Variants in ZSCAN20 observed in about 807,000 individuals in gnomAD.
ZSCAN20 encodes zinc finger and SCAN domain-containing protein 20.
A neutral mutation model predicts 97.1 loss-of-function variants in ZSCAN20; 39 were observed. That is an observed-to-expected ratio of 0.40 (90% CI 0.31 to 0.52). The LOEUF is 0.52. Among genes scored for constraint, ZSCAN20 ranks in the 20% least tolerant of loss-of-function variants. The pLI, the probability that ZSCAN20 is intolerant of heterozygous loss-of-function variation, is 0.49. For synonymous variants in ZSCAN20, 456 were observed against 467.3 expected, an observed-to-expected ratio of 0.98 and a Z score of 0.31; for missense variants, 1,115 against 1,290.4, an observed-to-expected ratio of 0.86 and a Z score of 2.08.
At chr1:33,490,983 C>A in intron 5 of ZSCAN20, 42 bp from the exon 6 acceptor site, 1 of 1,527,780 alleles carries the variant, frequency 6.5e-7, no homozygotes, top group South Asian at 1.3e-5. Flanking sequence ...ACATGCCGCT[C>A]AACAGACCAT....
Position 33,495,479 on chromosome 1 carries a change from G to C in ZSCAN20, c.*3G>C. On this transcript the variant is annotated 3_prime_UTR_variant, in exon 8 of 8. Coordinates refer to ENST00000684572, the MANE Select transcript of ZSCAN20 (RefSeq NM_001377376.1). ...ATGCAGGAGGGAAGGCGTCGTAGGG[G>C]ACAGTTTCCTCAACAACAAAGGAGG... is the stretch of plus-strand genomic sequence containing the variant. 6.6e-7 allele frequency: 1 copy of C among 1,505,156 alleles called. No individual in the cohort carries two copies. The highest frequency in any genetic ancestry group is 1.8e-4 in the Middle Eastern group (1 of 5,592). The allele number at this position is 1,505,156 out of a possible 1,614,324, so 93.2% of individuals were successfully genotyped here. A position where few individuals can be genotyped will look rare whatever the true frequency, so the allele number is the denominator to read the frequency against.
In ZSCAN20 at chr1:33,476,195, C is replaced by T. The variant is rs138335438; in HGVS notation, c.-110-2984C>T. Among the ~76,000 whole-genome samples the T allele has an allele frequency of 3.0e-3, 451 of 152,276 alleles. 3 individuals carry two copies. The highest frequency in any genetic ancestry group is 0.01 in the African/African-American group (430 of 41,542). On this transcript the variant is annotated intron_variant, in intron 1 of 7. Coordinates refer to ENST00000684572, the MANE Select transcript of ZSCAN20 (RefSeq NM_001377376.1). ...GTCATCTCGGAACTGAGGAATGCCC[C>T]GGTCCATTTTCCCTTGTTCACTTCT...
chr1:33,500,397 GTCCCAGT>G lies in ZSCAN20; in HGVS notation c.*4924_*4930del, dbSNP rs3043313. The stretch of plus-strand genomic sequence containing the variant: ...GAGGAAGAGACAGAGAGTTTGAGAG[GTCCCAGT>G]TCTTTTCAGTGTGTGTTTGGTTCCC... On this transcript the variant is annotated 3_prime_UTR_variant, in exon 8 of 8. Coordinates refer to ENST00000684572, the MANE Select transcript of ZSCAN20 (RefSeq NM_001377376.1). 0.62 allele frequency among the ~76,000 whole-genome samples: 93,405 copies of G among 151,046 alleles called. 29,978 individuals carry two copies. The highest frequency in any genetic ancestry group is 0.78 in the African/African-American group (32,134 of 41,196).
At chr1:33,489,431 A>G (rs1179224498) in intron 4 of ZSCAN20, 87 bp from the exon 5 acceptor site, 4 of 1,361,978 alleles carry the variant, frequency 2.9e-6, no homozygotes, top group Non-Finnish European at 3.1e-6. Flanking sequence ...CTCTGTTCCC[A>G]TCATCTTTCC....
rs750132262 is a variant in ZSCAN20, at chr1:33,494,902, C to T, written c.2558C>T (p.Pro853Leu). 6 of 1,614,174 alleles carry T rather than the reference C, an allele frequency of 3.7e-6. No homozygotes were observed. In the South Asian group the frequency reaches 4.4e-5, roughly 12 times the overall value. ...ACAGAAGAGACAGCTCCTGAACAAC[C>T]TCAAAGTATCAGTAAGGACTTGAAT... ...NSTEETAPEQ[P>L]QSISKDLNSP... The change falls in exon 8 of 8, where the codon CCT becomes CTT. Residue 853 changes from proline (P) to leucine (L), a missense_variant. This residue lies in a region of ZSCAN20 where 554 missense variants were observed against 584.9 expected (regional missense o/e 0.95). Coordinates refer to ENST00000684572, the MANE Select transcript of ZSCAN20 (RefSeq NM_001377376.1).
chr1:33,481,122 A>G (rs1328475512), intron 2 of ZSCAN20, among the ~76,000 whole-genome samples: 1 of 152,182 alleles, frequency 6.6e-6, no homozygotes, highest in Non-Finnish European at 1.5e-5. Context: ...AGATACAGGG[A>G]GACTAATATA....
At chr1:33,483,444 T>C (rs1038287594) in intron 2 of ZSCAN20, among the ~76,000 whole-genome samples, 9 of 152,164 alleles carry the variant, frequency 5.9e-5, no homozygotes, top group African/African-American at 2.2e-4. Context: ...TTGATTACTA[T>C]AGTTTATAGT....
At chr1:33,475,280 T>G (rs376655701) in intron 1 of ZSCAN20, among the ~76,000 whole-genome samples, 1 of 152,366 alleles carries the variant, frequency 6.6e-6, no homozygotes, top group South Asian at 2.1e-4. Context: ...CTTTAGGTAA[T>G]TGAGGATATA....
At position 33,497,065 on chromosome 1, in the gene ZSCAN20, G is replaced by T. The variant is rs2148484218; in HGVS notation, c.*1589G>T. Among the ~76,000 whole-genome samples the T allele has an allele frequency of 1.3e-5, 2 of 152,276 alleles. No individual in the cohort carries two copies. Among genetic ancestry groups the T allele is most frequent in the Middle Eastern group, 6.8e-3 (2 of 294 alleles). On this transcript the variant is annotated 3_prime_UTR_variant, in exon 8 of 8. Transcript: ENST00000684572. ...ACTAGGATGTATTCATAACCTGCTT[G>T]GTTCATGGGCTGGGGAAGTACCTAT...
Position 33,491,669 on chromosome 1 carries a change from G to T in ZSCAN20, c.1411G>T (p.Ala471Ser). 6.2e-7 allele frequency: 1 copy of T among 1,609,740 alleles called. No individual in the cohort carries two copies. Among genetic ancestry groups the T allele is most frequent in the South Asian group, 1.1e-5 (1 of 90,480 alleles). The change falls in exon 6 of 8, where the codon GCA becomes TCA. Residue 471 changes from alanine (A) to serine (S), a missense_variant. Around this residue, in one of 3 missense-constraint regions of ZSCAN20, gnomAD observed 508 missense variants for 611.2 expected, o/e 0.83. Coordinates refer to ENST00000684572, the MANE Select transcript of ZSCAN20 (RefSeq NM_001377376.1). The surrounding 1 kb of genome is among the most constrained non-coding windows in gnomAD (Gnocchi z 4.3). ...NVESTQGPRI[A>S]GAPALFQSRI... Reference sequence around the variant, plus strand: ...TGAGTCTACCCAGGGGCCCAGGATTGCAGGGGCCCCAGCTCTGTTCCAGAG... The same window carrying T: ...TGAGTCTACCCAGGGGCCCAGGATTTCAGGGGCCCCAGCTCTGTTCCAGAG...
chr1:33,494,234 T>C lies in ZSCAN20; in HGVS notation c.1890T>C (p.His630=). ...KAPDMGFEMR[H]EDEDQISEQD... is the part of the protein sequence containing the mutation. ...TTTTTTCAGGTTTTGAAATGAGGCA[T>C]GAGGATGAAGACCAGATTTCAGAGC... The change falls in exon 8 of 8, where the codon CAT becomes CAC. Residue 630 remains histidine, a synonymous_variant. Coordinates refer to ENST00000684572, the MANE Select transcript of ZSCAN20 (RefSeq NM_001377376.1). 1 of 1,574,286 alleles carries C rather than the reference T, an allele frequency of 6.4e-7. No individual in the cohort carries two copies. Among genetic ancestry groups the C allele is most frequent in the Non-Finnish European group, 8.6e-7 (1 of 1,161,552 alleles).
rs1415426638 is a variant in ZSCAN20 at position 33,497,033 on chromosome 1, T to C, written c.*1557T>C. Reference sequence around the variant, plus strand: ...GGAAAATCCCCCTCCTGCCATCCTCTTATGACACTAGGATGTATTCATAAC... The same window carrying C: ...GGAAAATCCCCCTCCTGCCATCCTCCTATGACACTAGGATGTATTCATAAC... On this transcript the variant is annotated 3_prime_UTR_variant, in exon 8 of 8. Transcript: ENST00000684572. 6.6e-6 allele frequency among the ~76,000 whole-genome samples: 1 copy of C among 152,216 alleles called. No homozygotes were observed. Among genetic ancestry groups the C allele is most frequent in the African/African-American group, 2.4e-5 (1 of 41,450 alleles).
rs1652801749 is a variant in ZSCAN20 at position 33,495,060 on chromosome 1, G to A, written c.2716G>A (p.Ala906Thr). 6.2e-7 allele frequency: 1 copy of A among 1,612,118 alleles called. No homozygotes were observed. Among genetic ancestry groups the A allele is most frequent in the African/African-American group, 1.3e-5 (1 of 74,872 alleles). Residue 906 changes from alanine to threonine, a missense_variant, in exon 8 of 8, where the codon GCC becomes ACC. Physicochemically the swap from Ala to Thr is moderately conservative, Grantham distance 58 (BLOSUM62 0). Coordinates refer to ENST00000684572, the MANE Select transcript of ZSCAN20 (RefSeq NM_001377376.1). ...TACGGGAGAGAAACCATATGAATGT[G>A]CCGAATGTGGGAAAAGCTTCAGTAA... Reference protein sequence around the residue: ...IHTGEKPYECAECGKSFSKSS... With the variant: ...IHTGEKPYECTECGKSFSKSS...
chr1:33,497,739 G>T lies in ZSCAN20; in HGVS notation c.*2263G>T, dbSNP rs911774528. On this transcript the variant is annotated 3_prime_UTR_variant, in exon 8 of 8. Transcript: ENST00000684572. ...GAGGAGGAGGGAATGAATGGGAAAG[G>T]TCTCAGAGGCAGAGGGGAGGACATC... is the stretch of plus-strand genomic sequence containing the variant. Among the ~76,000 whole-genome samples the T allele has an allele frequency of 1.3e-5, 2 of 152,298 alleles. No individual in the cohort carries two copies. Among genetic ancestry groups the T allele is most frequent in the South Asian group, 2.1e-4 (1 of 4,828 alleles).
chr1:33,499,025 G>A lies in ZSCAN20; in HGVS notation c.*3549G>A, dbSNP rs890890632. On this transcript the variant is annotated 3_prime_UTR_variant, in exon 8 of 8. Transcript: ENST00000684572. ...CCACTGTAGCCTCCTCCCAGAAGCC[G>A]AGTAAAGCAGCTAGGGTCCCTCCAT... Among the ~76,000 whole-genome samples, 2 of 152,204 alleles carry A rather than the reference G, an allele frequency of 1.3e-5. No individual in the cohort carries two copies. Among genetic ancestry groups the A allele is most frequent in the African/African-American group, 4.8e-5 (2 of 41,452 alleles).
chr1:33,496,441 G>A lies in ZSCAN20; in HGVS notation c.*965G>A, dbSNP rs1652865380. On this transcript the variant is annotated 3_prime_UTR_variant, in exon 8 of 8. Transcript: ENST00000684572. Reference sequence around the variant, plus strand: ...AGGATGAGCTATTATCAAAATACTTGATGTGAGTTTCCATCTTCGCAATAA... The same window carrying A: ...AGGATGAGCTATTATCAAAATACTTAATGTGAGTTTCCATCTTCGCAATAA... 6.6e-6 allele frequency: 1 copy of A among 152,168 alleles called. No individual in the cohort carries two copies. The highest frequency in any genetic ancestry group is 2.1e-4 in the South Asian group (1 of 4,828). The allele number at this position is 152,168 out of a possible 1,614,324, so 9.4% of individuals were successfully genotyped here.
intron 2 of ZSCAN20, among the ~76,000 whole-genome samples, chr1:33,483,777 C>A (rs1652245101): frequency 6.6e-6 from 1 of 151,968 alleles, no homozygotes; most frequent in Non-Finnish European, 1.5e-5. Context: ...GGTGTTGAAT[C>A]TGTAGATCAA....
Position 33,499,772 on chromosome 1 carries a change from T to G in ZSCAN20, c.*4296T>G, listed in dbSNP as rs919659120. Among the ~76,000 whole-genome samples the G allele has an allele frequency of 6.6e-6, 1 of 152,130 alleles. No homozygotes were observed. The highest frequency in any genetic ancestry group is 2.4e-5 in the African/African-American group (1 of 41,402). On this transcript the variant is annotated 3_prime_UTR_variant, in exon 8 of 8. Transcript: ENST00000684572. ...TTCAAAATATTCCCTTACCCCATTT[T>G]TTTTGGGGGGGAGATGGGGGTCTTG...
intron 7 of ZSCAN20, 116 bp from the exon 8 acceptor site, chr1:33,494,102 A>G (rs1476278247): frequency 2.2e-6 from 2 of 919,438 alleles, no homozygotes; most frequent in Non-Finnish European, 3.2e-6. Flanking sequence ...GATAGAAGAT[A>G]TAAGAATCAA....
Sources: gnomAD v4.1 joint callset for allele counts (sites outside exome capture counted in the v4.1 genomes callset) on GRCh38, gnomAD v4.1.1 for gene constraint, gnomAD v4.1.1 regional missense constraint, Gnocchi (gnomAD v3.1) non-coding constraint, MANE v1.5 for transcripts, NCBI Gene and HGNC (gene_info 2026-07-23, HGNC 2026-07-21) for gene names.